The following FAT3 variants were observed in gnomAD, a reference collection of about 807,000 sequenced individuals.
The protein encoded by FAT3 is protocadherin Fat 3.
A neutral mutation model predicts 310.2 loss-of-function variants in FAT3; 95 were observed. The observed-to-expected ratio is 0.31, with a 90% CI of 0.26 to 0.36. The LOEUF (loss-of-function observed/expected upper bound fraction) is 0.36, where lower values mean the gene tolerates loss of function less well. Among genes scored for constraint, FAT3 ranks in the 10% least tolerant of loss-of-function variants. The pLI, the probability that FAT3 is intolerant of heterozygous loss-of-function variation, is 1.00. For synonymous variants in FAT3, 2,314 were observed against 2,192.9 expected (o/e 1.06, Z -1.54); for missense variants, 5,408 against 5,715.6 (o/e 0.95, Z 1.74).
intron 1 of FAT3, among the ~76,000 whole-genome samples, chr11:92,300,085 A>T (rs1480114992): frequency 6.6e-6 from 1 of 152,132 alleles, no homozygotes; most frequent in Non-Finnish European, 1.5e-5. Flanking sequence ...AAGAGTGTGC[A>T]TCCTAACAAT....
intron 2 of FAT3, among the ~76,000 whole-genome samples, chr11:92,419,432 C>T (rs751116259): frequency 1.3e-5 from 2 of 152,116 alleles, no homozygotes; most frequent in Non-Finnish European, 2.9e-5. Context: ...CCAGACTATT[C>T]ATGGGGCTCC....
chr11:92,522,000 A>G (rs1038210163), intron 2 of FAT3, among the ~76,000 whole-genome samples: 2 of 152,094 alleles, frequency 1.3e-5, no homozygotes, highest in African/African-American at 4.8e-5. Context: ...TCTTTTGAGG[A>G]CAGAGACCCT....
chr11:92,404,965 G>A (rs1950106044), intron 2 of FAT3, among the ~76,000 whole-genome samples: 1 of 151,960 alleles, frequency 6.6e-6, no homozygotes, highest in African/African-American at 2.4e-5. Flanking sequence ...AGACCTTTGG[G>A]TTTGGTATGG....
chr11:92,408,675 T>G (rs1950189564), intron 2 of FAT3, among the ~76,000 whole-genome samples: 1 of 152,180 alleles, frequency 6.6e-6, no homozygotes, highest in Non-Finnish European at 1.5e-5. Flanking sequence ...CTCCTCTTAG[T>G]GATAAGTGGA....
intron 2 of FAT3, among the ~76,000 whole-genome samples, chr11:92,504,246 T>C (rs541593687): frequency 6.6e-6 from 1 of 152,284 alleles, no homozygotes; most frequent in East Asian, 1.9e-4. Flanking sequence ...AGGTCAGTAC[T>C]CAGACCTGGG....
At chr11:92,754,850 G>T (rs1945945185) in intron 4 of FAT3, among the ~76,000 whole-genome samples, 1 of 151,806 alleles carries the variant, frequency 6.6e-6, no homozygotes, top group Non-Finnish European at 1.5e-5. Flanking sequence ...CCTGGCAACA[G>T]AGCGAGACTT....
intron 7 of FAT3, among the ~76,000 whole-genome samples, chr11:92,779,985 A>C (rs899996719): frequency 1.3e-5 from 2 of 152,112 alleles, no homozygotes; most frequent in Non-Finnish European, 2.9e-5. Flanking sequence ...TCCGTTCTAC[A>C]ACCACAAGGA....
At chr11:92,670,126 A>T (rs758759227) in intron 3 of FAT3, among the ~76,000 whole-genome samples, 4 of 152,234 alleles carry the variant, frequency 2.6e-5, no homozygotes, top group Non-Finnish European at 4.4e-5. Context: ...TAATGCTCTA[A>T]TTTTTTCTTT....
chr11:92,332,120 A>C (rs1947938046), intron 1 of FAT3, among the ~76,000 whole-genome samples: 1 of 152,310 alleles, frequency 6.6e-6, no homozygotes, highest in South Asian at 2.1e-4. Context: ...TTTAAAGTTC[A>C]TGGTCTTCAT....
intron 3 of FAT3, among the ~76,000 whole-genome samples, chr11:92,588,933 C>G (rs2135553603): frequency 6.7e-6 from 1 of 148,336 alleles, no homozygotes; most frequent in South Asian, 2.1e-4. Context: ...GTAACAAAGA[C>G]ACTCCCAAAA....
intron 1 of FAT3, among the ~76,000 whole-genome samples, chr11:92,267,059 C>T (rs1388709615): frequency 3.9e-5 from 6 of 152,128 alleles, no homozygotes; most frequent in Non-Finnish European, 8.8e-5. Flanking sequence ...CTGACACTGC[C>T]TTGCCTGTCA....
intron 5 of FAT3, among the ~76,000 whole-genome samples, chr11:92,762,494 G>A (rs985078018): frequency 6.6e-5 from 10 of 152,064 alleles, no homozygotes; most frequent in African/African-American, 1.7e-4. Flanking sequence ...GCAAACTAGC[G>A]GTAGGGGAAC....
intron 4 of FAT3, among the ~76,000 whole-genome samples, chr11:92,726,126 A>G (rs779392773): frequency 4.6e-5 from 7 of 152,178 alleles, no homozygotes; most frequent in Non-Finnish European, 1.0e-4. Context: ...CATCAATTAT[A>G]TACCAATAAA....
At chr11:92,259,184 C>T (rs931893084) in intron 1 of FAT3, among the ~76,000 whole-genome samples, 8 of 151,914 alleles carry the variant, frequency 5.3e-5, no homozygotes, top group Non-Finnish European at 1.2e-4. Flanking sequence ...TTCTTTATTT[C>T]AATTATTTAA....
chr11:92,857,354 G>A lies in FAT3; in HGVS notation c.11500+6G>A. On this transcript the variant is annotated splice_donor_region_variant and intron_variant, in intron 20 of 27. Transcript: ENST00000525166. Reference sequence around the variant, plus strand: ...GAAGCTCGGAGAGTGCTCAGGTGCAGAGTGGAGTGGAATGATGCAGATCTA... The same window carrying A: ...GAAGCTCGGAGAGTGCTCAGGTGCAAAGTGGAGTGGAATGATGCAGATCTA... 1.2e-6 allele frequency: 2 copies of A among 1,613,922 alleles called. No individual in the cohort carries two copies. The highest frequency in any genetic ancestry group is 8.5e-7 in the Non-Finnish European group (1 of 1,179,860).
intron 3 of FAT3, among the ~76,000 whole-genome samples, chr11:92,646,885 A>T (rs998620265): frequency 1.3e-5 from 2 of 152,178 alleles, no homozygotes; most frequent in Non-Finnish European, 2.9e-5. Context: ...GACTTGTAGG[A>T]AACAGCATAC....
intron 1 of FAT3, among the ~76,000 whole-genome samples, chr11:92,257,677 C>T (rs1865369561): frequency 1.3e-5 from 2 of 152,058 alleles, no homozygotes; most frequent in African/African-American, 4.8e-5. Context: ...GAGAAGAAAT[C>T]AGACTGATGC....
chr11:92,450,628 G>A (rs1413479677), intron 2 of FAT3, among the ~76,000 whole-genome samples: 1 of 152,158 alleles, frequency 6.6e-6, no homozygotes, highest in Non-Finnish European at 1.5e-5. Flanking sequence ...ATTAAACATG[G>A]GAATTTGGAC....
intron 3 of FAT3, chr11:92,559,517 T>A: frequency 2.8e-6 from 1 of 357,102 alleles, no homozygotes; most frequent in South Asian, 2.1e-5. Flanking sequence ...CTTGAGTAGC[T>A]GGGACTATAG....
Sources: allele counts gnomAD v4.1 joint callset (sites outside exome capture counted in the v4.1 genomes callset), GRCh38; gene constraint gnomAD v4.1.1; transcripts MANE v1.5; gene names NCBI Gene and HGNC (gene_info 2026-07-23, HGNC 2026-07-21).